The following ATXN7 variants were observed in gnomAD, a reference collection of about 807,000 sequenced individuals.
ATXN7 encodes ataxin 7, also known as ataxin-7.
Under a neutral mutation model 70.5 loss-of-function variants are expected in ATXN7, and 12 were observed. The observed-to-expected ratio is 0.17, with a 90% confidence interval of 0.11 to 0.28. The LOEUF (loss-of-function observed/expected upper bound fraction) is 0.28. Ranked by LOEUF, ATXN7 falls within the 10% of genes least tolerant of loss-of-function variation. The probability of loss-of-function intolerance (pLI) is 1.00; values close to 1 mark genes in which losing one functional copy is unlikely to be tolerated. For missense variants in ATXN7, 1,256 were observed against 1,131.7 expected, an observed-to-expected ratio of 1.11 and a Z score of -1.58; for synonymous variants, 498 against 448.7, an observed-to-expected ratio of 1.11 and a Z score of -1.39.
intron 4 of ATXN7, among the ~76,000 whole-genome samples, chr3:63,951,157 G>C (rs2074947253): frequency 6.6e-6 from 1 of 152,070 alleles, no homozygotes; most frequent in Non-Finnish European, 1.5e-5. Context: ...AATCGTGCTA[G>C]ACTCTAGTAT....
At chr3:63,962,278 A>G (rs566873184) in intron 5 of ATXN7, among the ~76,000 whole-genome samples, 4 of 152,272 alleles carry the variant, frequency 2.6e-5, no homozygotes, top group African/African-American at 7.2e-5. Flanking sequence ...ATAAAATACA[A>G]ATAGCCCCTG....
intron 6 of ATXN7, 168 bp downstream of exon 6, chr3:63,980,335 A>G: frequency 1.1e-6 from 1 of 932,904 alleles, no homozygotes; most frequent in Non-Finnish European, 1.6e-6. Context: ...GTCATAGGAA[A>G]CTTTTCAGAG....
At chr3:63,929,002 G>C (rs775282721) in intron 4 of ATXN7, among the ~76,000 whole-genome samples, 4 of 152,122 alleles carry the variant, frequency 2.6e-5, no homozygotes, top group Non-Finnish European at 4.4e-5. Context: ...TCCACATAAG[G>C]GTTCATCTAA....
chr3:63,944,172 G>A (rs966426957), intron 4 of ATXN7, among the ~76,000 whole-genome samples: 2 of 152,140 alleles, frequency 1.3e-5, no homozygotes, highest in Admixed American at 6.5e-5. Context: ...CCGTATCTGC[G>A]GGGGATACTT....
intron 4 of ATXN7, among the ~76,000 whole-genome samples, chr3:63,935,940 T>G (rs2074655005): frequency 6.6e-6 from 1 of 152,208 alleles, no homozygotes; most frequent in Non-Finnish European, 1.5e-5. Flanking sequence ...TGTTGTTAGC[T>G]TAGGCAAATT....
intron 4 of ATXN7, among the ~76,000 whole-genome samples, chr3:63,948,714 C>G (rs751092104): frequency 3.9e-5 from 6 of 152,274 alleles, no homozygotes; most frequent in Non-Finnish European, 8.8e-5. Context: ...TATACATGTG[C>G]TCAAGTGTCC....
chr3:63,893,631 C>T (rs1290631250), intron 1 of ATXN7, among the ~76,000 whole-genome samples: 1 of 152,198 alleles, frequency 6.6e-6, no homozygotes, highest in African/African-American at 2.4e-5. Flanking sequence ...AGCCCTAGGA[C>T]TGACTGCAGT....
At chr3:63,966,202 G>A (rs765457637) in intron 5 of ATXN7, among the ~76,000 whole-genome samples, 7 of 152,138 alleles carry the variant, frequency 4.6e-5, no homozygotes, top group African/African-American at 1.4e-4. Context: ...TGTCATACAA[G>A]TACAGTGATA....
At chr3:63,979,464 C>T (rs1192867762) in intron 5 of ATXN7, among the ~76,000 whole-genome samples, 1 of 152,176 alleles carries the variant, frequency 6.6e-6, no homozygotes, top group Non-Finnish European at 1.5e-5. Flanking sequence ...CAACTTGTTT[C>T]TTAAGATTTT....
chr3:63,997,501 C>A (rs2075779316), intron 12 of ATXN7: 2 of 768,620 alleles, frequency 2.6e-6, no homozygotes, highest in Non-Finnish European at 2.2e-6. Flanking sequence ...CTCTCTTAGG[C>A]TGTATTTTTG....
At chr3:63,945,885 C>T (rs1009803590) in intron 4 of ATXN7, among the ~76,000 whole-genome samples, 3 of 152,174 alleles carry the variant, frequency 2.0e-5, no homozygotes, top group Admixed American at 6.5e-5. Flanking sequence ...GCAAAAAGAG[C>T]AGCAAGTACC....
intron 5 of ATXN7, among the ~76,000 whole-genome samples, chr3:63,962,516 TG>T (rs546815166): frequency 8.5e-4 from 129 of 152,148 alleles, no homozygotes; most frequent in African/African-American, 2.9e-3. Flanking sequence ...GTGATTCTCG[TG>T]CCTCAGCCTC....
At chr3:63,890,716 AAGAG>A (rs1424177889) in intron 1 of ATXN7, among the ~76,000 whole-genome samples, 1 of 152,224 alleles carries the variant, frequency 6.6e-6, no homozygotes, top group Non-Finnish European at 1.5e-5. Context: ...AATACTTTAT[AAGAG>A]TAGGCTAACT....
At chr3:63,992,045 G>C (rs1392491411) in intron 11 of ATXN7, among the ~76,000 whole-genome samples, 1 of 152,122 alleles carries the variant, frequency 6.6e-6, no homozygotes, top group African/African-American at 2.4e-5. Context: ...TGACTGTCCA[G>C]TAATCCCCAG....
chr3:63,955,555 T>G (rs925790348), intron 5 of ATXN7, among the ~76,000 whole-genome samples: 2 of 152,208 alleles, frequency 1.3e-5, no homozygotes, highest in Admixed American at 6.5e-5. Flanking sequence ...GTCGTCTATC[T>G]TTTGGGGACA....
At chr3:63,881,954 G>C (rs1481243703) in intron 1 of ATXN7, among the ~76,000 whole-genome samples, 1 of 152,152 alleles carries the variant, frequency 6.6e-6, no homozygotes, top group Non-Finnish European at 1.5e-5. Context: ...TTTGGAAGCA[G>C]GAAGTCCCAA....
chr3:63,866,253 T>G (rs1702423591), intron 1 of ATXN7, among the ~76,000 whole-genome samples: 1 of 152,126 alleles, frequency 6.6e-6, no homozygotes, highest in Non-Finnish European at 1.5e-5. Flanking sequence ...TGAAAGTTAT[T>G]TTATTTTTTT....
chr3:63,958,338 T>A (rs7647377), intron 5 of ATXN7, among the ~76,000 whole-genome samples: 1 of 152,200 alleles, frequency 6.6e-6, no homozygotes, highest in Non-Finnish European at 1.5e-5. Context: ...TATGAGAAAT[T>A]ACTCATACTT....
chr3:63,997,642 C>T lies in ATXN7; in HGVS notation c.2661+1159C>T, dbSNP rs370385147. 121 of 1,552,020 alleles carry T rather than the reference C, an allele frequency of 7.8e-5. 1 individual carries two copies. Among genetic ancestry groups the T allele is most frequent in the Admixed American group, 5.9e-5 (3 of 50,984 alleles). Reference sequence around the variant, plus strand: ...TCAGGATATCTCCTCACCTTGCTTACGAACAGGAATTTCAGCAACATCACC... The same window carrying T: ...TCAGGATATCTCCTCACCTTGCTTATGAACAGGAATTTCAGCAACATCACC... On this transcript the variant is annotated intron_variant, in intron 12 of 12. Coordinates refer to ENST00000674280, the MANE Select transcript of ATXN7 (RefSeq NM_001377405.1).
Sources: gnomAD v4.1 joint callset for allele counts (sites outside exome capture counted in the v4.1 genomes callset) on GRCh38, gnomAD v4.1.1 for gene constraint, MANE v1.5 for transcripts, NCBI Gene and HGNC (gene_info 2026-07-23, HGNC 2026-07-21) for gene names.